Variants in SNAP47 observed in about 807,000 individuals in gnomAD.
SNAP47 encodes synaptosome associated protein 47.
SNAP47 carries 20 observed loss-of-function variants against 31.4 expected under a neutral mutation model. The observed-to-expected ratio is 0.64, with a 90% CI of 0.45 to 0.93. The LOEUF is 0.93. SNAP47 is among the 40% of genes least tolerant of loss of function. The pLI is 0.00. For synonymous variants in SNAP47, 194 were observed against 213.4 expected (o/e 0.91, Z 0.79); for missense variants, 492 against 528.5 (o/e 0.93, Z 0.68).
At position 227,762,057 on chromosome 1, in the gene SNAP47, C is replaced by T. The variant is rs566958964; in HGVS notation, c.988+2572C>T. 1.2e-4 allele frequency among the ~76,000 whole-genome samples: 18 copies of T among 152,182 alleles called. No homozygotes were observed. The highest frequency in any genetic ancestry group is 6.5e-4 in the Admixed American group (10 of 15,284). On this transcript the variant is annotated intron_variant, in intron 3 of 4. Transcript: ENST00000617596. The surrounding 1 kb of genome is among the most constrained non-coding windows in gnomAD (Gnocchi z 4.2). ...TGTGGGTTGTAGCCACAGCGAGCAC[C>T]GTCTTTTCACTTGCACAGCTGCACC...
At chr1:227,765,629 G>C (rs1663344199) in intron 3 of SNAP47, among the ~76,000 whole-genome samples, 1 of 152,216 alleles carries the variant, frequency 6.6e-6, no homozygotes, top group African/African-American at 2.4e-5. Context: ...ACCAGAGTTT[G>C]TTTCTGAAGA....
rs1048750338 is a variant in SNAP47, at chr1:227,768,390, G to A, written c.1113+1307G>A. 27 of 945,960 alleles carry A rather than the reference G, an allele frequency of 2.9e-5. No homozygotes were observed. The South Asian group carries it at 3.9e-4, about 14-fold the overall frequency. 58.6% of individuals were successfully genotyped at this position (945,960 alleles called of 1,614,324 possible). The stretch of plus-strand genomic sequence containing the variant: ...GTGGGTCTGGGGCTCTGTCAGGCCC[G>A]GCCCTGTTTTTGTAGGGAGTGTTTT... On this transcript the variant is annotated intron_variant, in intron 4 of 4. Coordinates refer to ENST00000617596, the MANE Select transcript of SNAP47 (RefSeq NM_053052.4).
rs117271761 is a variant in SNAP47, at chr1:227,780,562, C to T, written c.1149C>T (p.Ala383=). The T allele has an allele frequency of 3.8e-4, 609 of 1,614,132 alleles. 6 individuals are homozygous for T. In the East Asian group the frequency reaches 4.3e-3, roughly 11 times the overall value. The part of the protein sequence containing the change: ...LRRMKGLALE[A]ESELERQDEA... ...GGATGAAGGGGCTGGCCCTGGAGGC[C>T]GAGAGTGAGCTGGAGAGACAAGACG... is the stretch of plus-strand genomic sequence containing the variant. The change falls in exon 5 of 5, where the codon GCC becomes GCT. Residue 383 remains alanine (A), a synonymous_variant. Transcript: ENST00000617596.
chr1:227,777,199 T>C (rs1664212679), intron 4 of SNAP47: 2 of 641,966 alleles, frequency 3.1e-6, no homozygotes, highest in African/African-American at 2.0e-5. Context: ...TACATACTCA[T>C]GGGTTACGTA....
upstream of SNAP47, chr1:227,734,812 G>A (rs769284581): frequency 5.6e-6 from 9 of 1,613,774 alleles, no homozygotes; most frequent in East Asian, 1.3e-4. Context: ...GTACAACCAC[G>A]TCTCCTGAAA....
rs1662891983 is a variant in SNAP47 at position 227,759,097 on chromosome 1, T to C, written c.600T>C (p.Ser200=). The C allele has an allele frequency of 1.2e-6, 2 of 1,614,038 alleles. No homozygotes were observed. The highest frequency in any genetic ancestry group is 1.7e-5 in the Admixed American group (1 of 60,002). ...TKPREDVSMT[S]CEPFGKEGIL... is the part of the protein sequence containing the mutation. ...CCAGGGAAGATGTCTCCATGACCAGTTGTGAACCCTTTGGGAAAGAAGGGA... is the reference window on the plus strand; with the variant it reads ...CCAGGGAAGATGTCTCCATGACCAGCTGTGAACCCTTTGGGAAAGAAGGGA... The change falls in exon 3 of 5, where the codon AGT becomes AGC. Residue 200 remains serine, a synonymous_variant. Transcript: ENST00000617596.
Position 227,748,018 on chromosome 1 carries a change from C to T in SNAP47, c.282C>T (p.Ile94=), listed in dbSNP as rs762439161. The change falls in exon 2 of 5, where the codon ATC becomes ATT. Residue 94 remains isoleucine (I), a synonymous_variant. Coordinates refer to ENST00000617596, the MANE Select transcript of SNAP47 (RefSeq NM_053052.4). ...GTCGAAATGTGGTCTTCAGCATCAT[C>T]GAGCATTTCTGGAGGGAGCTGCTGC... ...RPSRNVVFSI[I]EHFWRELLLS... The T allele has an allele frequency of 6.7e-5, 108 of 1,614,208 alleles. 1 individual carries two copies. The South Asian group carries it at 7.6e-4, about 11-fold the overall frequency.
At chr1:227,733,696 G>A (rs770397913), upstream of SNAP47, 6 of 1,599,342 alleles carry the variant, frequency 3.8e-6, no homozygotes, top group South Asian at 4.4e-5. Context: ...GGCAGCAAGA[G>A]CGCCTGGTTC....
intron 2 of SNAP47, among the ~76,000 whole-genome samples, chr1:227,758,483 G>A (rs1336757663): frequency 6.6e-6 from 1 of 151,536 alleles, no homozygotes; most frequent in Non-Finnish European, 1.5e-5. Flanking sequence ...GCGGACGAGA[G>A]TGGGTGTTGA....
intron 1 of SNAP47, among the ~76,000 whole-genome samples, 169 bp from the exon 2 acceptor site, chr1:227,747,523 G>T (rs972686423): frequency 6.6e-6 from 1 of 152,192 alleles, no homozygotes; most frequent in South Asian, 2.1e-4. Flanking sequence ...TCCTTCACCT[G>T]CTGAGAGGGT....
chr1:227,736,735 C>T (rs549176441), intron 1 of SNAP47, among the ~76,000 whole-genome samples: 145 of 146,880 alleles, frequency 9.9e-4, no homozygotes, highest in African/African-American at 3.1e-3. Context: ...TTGCCCAAGC[C>T]GGTGTTGAAC....
Position 227,748,227 on chromosome 1 carries a change from C to T in SNAP47, c.491C>T (p.Ala164Val), listed in dbSNP as rs760001812. ...LDKMESDLEV[A>V]DRLLTELESP... Reference sequence around the variant, plus strand: ...AAGATGGAGTCAGACCTGGAGGTGGCGGACAGGTGGGCTTGCTGTGTACAC... The same window carrying T: ...AAGATGGAGTCAGACCTGGAGGTGGTGGACAGGTGGGCTTGCTGTGTACAC... The change falls in exon 2 of 5, where the codon GCG (alanine) becomes GTG (valine). Residue 164 changes from alanine to valine, a missense_variant. Physicochemically the swap from Ala to Val is moderately conservative, Grantham distance 64. Transcript: ENST00000617596. 42 of 1,576,460 alleles carry T rather than the reference C, an allele frequency of 2.7e-5. No homozygotes were observed. The highest frequency in any genetic ancestry group is 4.5e-5 in the East Asian group (2 of 44,406).
At chr1:227,765,330 T>C (rs1663324555) in intron 3 of SNAP47, among the ~76,000 whole-genome samples, 1 of 152,214 alleles carries the variant, frequency 6.6e-6, no homozygotes, top group South Asian at 2.1e-4. Context: ...TGGCCTAGGC[T>C]GTGCTGGTGC....
intron 1 of SNAP47, among the ~76,000 whole-genome samples, chr1:227,739,103 G>A (rs1320364464): frequency 1.2e-4 from 18 of 152,136 alleles, no homozygotes; most frequent in Admixed American, 9.8e-4. Context: ...CCCTGGCATC[G>A]CTTGGGAATG....
intron 2 of SNAP47, among the ~76,000 whole-genome samples, chr1:227,749,227 G>A (rs952336908): frequency 6.7e-6 from 1 of 149,718 alleles, no homozygotes; most frequent in Non-Finnish European, 1.5e-5. Context: ...TCCTAAGATG[G>A]TGTGTGTGGG....
Position 227,766,989 on chromosome 1 carries a change from G to C in SNAP47, c.1019G>C (p.Arg340Pro). 6.2e-7 allele frequency: 1 copy of C among 1,613,890 alleles called. No homozygotes were observed. The highest frequency in any genetic ancestry group is 8.5e-7 in the Non-Finnish European group (1 of 1,180,028). ...GGGCTGATGGGCCGTACCCTGCACC[G>C]TGAGCCACCCGCAGGAGACCAGGAG... Reference protein sequence around the residue: ...ASGLMGRTLHREPPAGDQEGT... With the variant: ...ASGLMGRTLHPEPPAGDQEGT... Residue 340 changes from arginine (R) to proline (P), a missense_variant, in exon 4 of 5, where the codon CGT becomes CCT. Transcript: ENST00000617596.
chr1:227,750,909 G>C (rs2102927906), intron 2 of SNAP47, among the ~76,000 whole-genome samples: 1 of 152,332 alleles, frequency 6.6e-6, no homozygotes, highest in Non-Finnish European at 1.5e-5. Flanking sequence ...AGACTGTGTA[G>C]AGGGAGATTG....
chr1:227,759,473 G>T lies in SNAP47; in HGVS notation c.976G>T (p.Val326Phe), dbSNP rs377514212. 38 of 1,613,826 alleles carry T rather than the reference G, an allele frequency of 2.4e-5. 1 individual carries two copies. In the African/African-American group the frequency reaches 4.9e-4, roughly 21 times the overall value. ...TSSPAEKSCS[V>F]WHAASGLMGR... ...TTCCCCCGCAGAGAAGAGCTGCTCA[G>T]TCTGGCATGCAGGTTAGTGACCGAC... Residue 326 changes from valine (V) to phenylalanine (F), a missense_variant, in exon 3 of 5, where the codon GTC (valine) becomes TTC (phenylalanine). By Grantham distance (50) the Val-to-Phe change is conservative. Transcript: ENST00000617596.
At chr1:227,757,663 G>T (rs1051666303) in intron 2 of SNAP47, among the ~76,000 whole-genome samples, 2 of 152,142 alleles carry the variant, frequency 1.3e-5, no homozygotes, top group African/African-American at 4.8e-5. Context: ...TTAAAGCAGG[G>T]GTTAATGTGA....
Sources: gnomAD v4.1 joint callset for allele counts (sites outside exome capture counted in the v4.1 genomes callset) on GRCh38, gnomAD v4.1.1 for gene constraint, Gnocchi (gnomAD v3.1) non-coding constraint, MANE v1.5 for transcripts, NCBI Gene and HGNC (gene_info 2026-07-23, HGNC 2026-07-21) for gene names.